The following GPC5 variants were observed in gnomAD, a reference collection of about 807,000 sequenced individuals.
GPC5 encodes glypican-5.
A neutral mutation model predicts 53.9 loss-of-function variants in GPC5; 47 were observed. The observed-to-expected ratio is 0.87, with a 90% confidence interval of 0.69 to 1.11. The LOEUF is 1.11. Among genes scored for constraint, GPC5 ranks in the 50% most tolerant of loss-of-function variants. The pLI is 0.00. For missense variants in GPC5, 748 were observed against 713.1 expected (o/e 1.05, Z -0.56); for synonymous variants, 286 against 263.3 (o/e 1.09, Z -0.84).
intron 7 of GPC5, among the ~76,000 whole-genome samples, chr13:92,165,268 T>G (rs1398845385): frequency 1.3e-5 from 2 of 152,244 alleles, no homozygotes; most frequent in African/African-American, 4.8e-5. Flanking sequence ...TATGCTCTAC[T>G]TCCCTTTTAA....
At chr13:92,723,566 C>A (rs1244264528) in intron 7 of GPC5, among the ~76,000 whole-genome samples, 2 of 151,648 alleles carry the variant, frequency 1.3e-5, no homozygotes, top group South Asian at 2.1e-4. Context: ...TTAATAAGTT[C>A]TATGGGAAAG....
intron 7 of GPC5, among the ~76,000 whole-genome samples, chr13:92,357,845 C>T (rs1379501436): frequency 6.7e-6 from 1 of 149,902 alleles, no homozygotes; most frequent in African/African-American, 2.5e-5. Flanking sequence ...CCTCCTCCAG[C>T]ACTGGGGATT....
chr13:91,555,000 A>C (rs2030862654), intron 2 of GPC5, among the ~76,000 whole-genome samples: 1 of 152,074 alleles, frequency 6.6e-6, no homozygotes, highest in Admixed American at 6.6e-5. Flanking sequence ...GGGAAAAATG[A>C]CTGAAGAACA....
intron 6 of GPC5, among the ~76,000 whole-genome samples, chr13:91,938,784 T>C (rs1566352373): frequency 6.6e-6 from 1 of 152,158 alleles, no homozygotes; most frequent in Non-Finnish European, 1.5e-5. Flanking sequence ...TGTAGGTATG[T>C]TAAAGTGTCT....
intron 7 of GPC5, among the ~76,000 whole-genome samples, chr13:92,233,134 A>ACAAT (rs1369897945): frequency 1.3e-5 from 2 of 152,238 alleles, no homozygotes; most frequent in Non-Finnish European, 2.9e-5. Flanking sequence ...TAATAAAAGA[A>ACAAT]CAATGCCTGT....
At chr13:91,577,013 T>C (rs2032163548) in intron 2 of GPC5, among the ~76,000 whole-genome samples, 1 of 152,088 alleles carries the variant, frequency 6.6e-6, no homozygotes, top group African/African-American at 2.4e-5. Context: ...TTTGCATTAG[T>C]TCTGTATTTG....
At chr13:92,518,377 G>C (rs1880879068) in intron 7 of GPC5, among the ~76,000 whole-genome samples, 1 of 152,184 alleles carries the variant, frequency 6.6e-6, no homozygotes, top group Admixed American at 6.5e-5. Flanking sequence ...CAGCCAGAGA[G>C]AAAGGTCGGG....
At chr13:92,545,879 A>C (rs1882092530) in intron 7 of GPC5, among the ~76,000 whole-genome samples, 1 of 151,782 alleles carries the variant, frequency 6.6e-6, no homozygotes, top group Admixed American at 6.6e-5. Context: ...TTGCCTGTTC[A>C]CTCTGATGGT....
intron 5 of GPC5, among the ~76,000 whole-genome samples, chr13:91,841,029 T>A (rs932704503): frequency 2.0e-5 from 3 of 151,682 alleles, no homozygotes; most frequent in Non-Finnish European, 4.4e-5. Context: ...ATTTCTGGAA[T>A]TGTAAAATAT....
chr13:91,502,017 T>C (rs570872277), intron 2 of GPC5, among the ~76,000 whole-genome samples: 3 of 152,278 alleles, frequency 2.0e-5, no homozygotes, highest in Non-Finnish European at 2.9e-5. Flanking sequence ...CATTTTTTAA[T>C]GTGTCTTTTG....
chr13:91,582,008 G>A (rs934836913), intron 2 of GPC5, among the ~76,000 whole-genome samples: 1 of 152,068 alleles, frequency 6.6e-6, no homozygotes, highest in Admixed American at 6.6e-5. Context: ...TTAGGCTTAG[G>A]GAGGCTTTCT....
chr13:91,998,090 G>T (rs1019862849), intron 6 of GPC5, among the ~76,000 whole-genome samples: 3 of 152,056 alleles, frequency 2.0e-5, no homozygotes, highest in African/African-American at 7.3e-5. Flanking sequence ...TAGATATGTG[G>T]ATATTCAATT....
intron 7 of GPC5, among the ~76,000 whole-genome samples, chr13:92,753,252 C>T (rs775336513): frequency 3.3e-4 from 51 of 152,270 alleles, no homozygotes; most frequent in South Asian, 1.2e-3. Context: ...CGGCAGGGTA[C>T]TCCAACAGAC....
intron 2 of GPC5, among the ~76,000 whole-genome samples, chr13:91,642,892 G>T (rs1333400878): frequency 1.3e-5 from 2 of 152,098 alleles, no homozygotes; most frequent in Non-Finnish European, 2.9e-5. Context: ...TTGAGTTTTG[G>T]ACAATAATTC....
chr13:92,394,098 A>G (rs1045083904), intron 7 of GPC5, among the ~76,000 whole-genome samples: 7 of 152,078 alleles, frequency 4.6e-5, no homozygotes, highest in Non-Finnish European at 1.0e-4. Context: ...CCATCCCTGG[A>G]GGTATCTAAG....
At chr13:91,802,155 G>T (rs575690737) in intron 5 of GPC5, among the ~76,000 whole-genome samples, 1 of 152,234 alleles carries the variant, frequency 6.6e-6, no homozygotes, top group South Asian at 2.1e-4. Flanking sequence ...GAATGAAGCT[G>T]CGGACCCTCG....
At chr13:91,488,997 C>T (rs1486146789) in intron 2 of GPC5, among the ~76,000 whole-genome samples, 1 of 152,204 alleles carries the variant, frequency 6.6e-6, no homozygotes, top group Non-Finnish European at 1.5e-5. Context: ...TCTCCTGTAG[C>T]ACTCCCAGGC....
intron 6 of GPC5, among the ~76,000 whole-genome samples, chr13:91,935,549 A>C (rs997352865): frequency 6.6e-6 from 1 of 151,744 alleles, no homozygotes; most frequent in African/African-American, 2.4e-5. Context: ...TAAAGAAATG[A>C]TATTTTTTGT....
intron 1 of GPC5, among the ~76,000 whole-genome samples, chr13:91,445,795 G>A (rs1472576995): frequency 6.6e-6 from 1 of 152,142 alleles, no homozygotes; most frequent in African/African-American, 2.4e-5. Flanking sequence ...AAGATTTTTG[G>A]TTCTGGAATT....
Sources: allele counts gnomAD v4.1 joint callset (sites outside exome capture counted in the v4.1 genomes callset), GRCh38; gene constraint gnomAD v4.1.1; transcripts MANE v1.5; gene names NCBI Gene and HGNC (gene_info 2026-07-23, HGNC 2026-07-21).